The following BRIP1 variants were observed in gnomAD, a reference collection of about 807,000 sequenced individuals.
The protein encoded by BRIP1 is Fanconi anemia group J protein.
In BRIP1, 88 loss-of-function variants were observed where a neutral mutation model predicts 119.7. That is an observed-to-expected ratio of 0.74 (90% CI 0.62 to 0.88). The LOEUF (loss-of-function observed/expected upper bound fraction) is 0.88. BRIP1 is among the 40% of genes least tolerant of loss of function. BRIP1 has a pLI of 0.00. For missense variants in BRIP1, 1,259 were observed against 1,455.4 expected (o/e 0.87, Z 2.20); for synonymous variants, 443 against 496.5 (o/e 0.89, Z 1.43).
chr17:61,728,513 T>C (rs1005381338), intron 16 of BRIP1, among the ~76,000 whole-genome samples: 1 of 152,114 alleles, frequency 6.6e-6, no homozygotes, highest in Non-Finnish European at 1.5e-5. Context: ...AAGAGAAAGT[T>C]CAAACCAACG....
In BRIP1 at chr17:61,708,415, A is replaced by T. The variant is rs2061725823; in HGVS notation, c.2492+7536T>A. On this transcript the variant is annotated intron_variant, in intron 17 of 19. Coordinates refer to ENST00000259008, the MANE Select transcript of BRIP1 (RefSeq NM_032043.3). This position sits in a 1 kb window ranked among gnomAD's most constrained non-coding sequence, Gnocchi z 4.4. ...AGTAGCCATCTTGGTTATCAGATAG[A>T]AAAAACATAGTATACGTAGAGTTTG... Among the ~76,000 whole-genome samples the T allele has an allele frequency of 1.3e-5, 2 of 152,116 alleles. No homozygotes were observed. The highest frequency in any genetic ancestry group is 4.8e-5 in the African/African-American group (2 of 41,368).
Position 61,802,423 on chromosome 17 carries a change from G to A in BRIP1, c.919-949C>T, listed in dbSNP as rs905073479. Among the ~76,000 whole-genome samples, 1 of 152,128 alleles carries A rather than the reference G, an allele frequency of 6.6e-6. No individual in the cohort carries two copies. Among genetic ancestry groups the A allele is most frequent in the Non-Finnish European group, 1.5e-5 (1 of 68,018 alleles). On this transcript the variant is annotated intron_variant, in intron 7 of 19. Transcript: ENST00000259008. This position sits in a 1 kb window ranked among gnomAD's most constrained non-coding sequence, Gnocchi z 6.0. The stretch of plus-strand genomic sequence containing the variant: ...TGCAGTGAGCCATGATCAAGCCACT[G>A]CACTCCGGCCTGGATGACAAAACAA...
At chr17:61,777,015 A>T (rs1350923821) in intron 13 of BRIP1, among the ~76,000 whole-genome samples, 1 of 152,196 alleles carries the variant, frequency 6.6e-6, no homozygotes, top group East Asian at 1.9e-4. Context: ...GTGCTCAAAG[A>T]TCCTTAGTCA....
chr17:61,826,757 A>C (rs2078415333), intron 6 of BRIP1, among the ~76,000 whole-genome samples: 3 of 128,450 alleles, frequency 2.3e-5, no homozygotes, highest in South Asian at 2.4e-4. Flanking sequence ...AAAAAAAAAA[A>C]CAGATGCCGG....
At chr17:61,791,488 CAAAAAA>C (rs529710126) in intron 10 of BRIP1, among the ~76,000 whole-genome samples, 24 of 52,926 alleles carry the variant, frequency 4.5e-4, no homozygotes, top group East Asian at 6.9e-4. Context: ...GACTTCATCT[CAAAAAA>C]AAAAAAAAAA....
intron 10 of BRIP1, among the ~76,000 whole-genome samples, chr17:61,787,961 T>C (rs2077759095): frequency 1.3e-5 from 2 of 152,030 alleles, no homozygotes; most frequent in Admixed American, 6.6e-5. Flanking sequence ...TCTTTTTCAT[T>C]GCCTGTGATA....
chr17:61,850,084 T>G (rs2078794390), intron 4 of BRIP1, among the ~76,000 whole-genome samples: 1 of 151,174 alleles, frequency 6.6e-6, no homozygotes, highest in African/African-American at 2.4e-5. Context: ...TGAATTAATT[T>G]AACAATCTTT....
rs193046914 is a variant in BRIP1, at chr17:61,688,161, G to C, written c.2576-1996C>G. Among the ~76,000 whole-genome samples the C allele has an allele frequency of 3.9e-5, 6 of 152,118 alleles. No individual in the cohort carries two copies. The East Asian group carries it at 1.2e-3, about 29-fold the overall frequency. On this transcript the variant is annotated intron_variant, in intron 18 of 19. Transcript: ENST00000259008. ...GTACTGACTGGACCTAGCATACTCTGTATGCCTGGAATCTACTAAGAACAA... is the reference window on the plus strand; with the variant it reads ...GTACTGACTGGACCTAGCATACTCTCTATGCCTGGAATCTACTAAGAACAA...
Position 61,827,675 on chromosome 17 carries a change from G to T in BRIP1, c.628-18918C>A, listed in dbSNP as rs1000879623. On this transcript the variant is annotated intron_variant, in intron 6 of 19. Coordinates refer to ENST00000259008, the MANE Select transcript of BRIP1 (RefSeq NM_032043.3). The surrounding 1 kb of genome is among the most constrained non-coding windows in gnomAD (Gnocchi z 5.8). ...TCCTGGGAGGCGGACACTGCAGTCA[G>T]CTGAGATAGTGCCACTGCACTCCGG... is the stretch of plus-strand genomic sequence containing the variant. 3.7e-4 allele frequency among the ~76,000 whole-genome samples: 57 copies of T among 152,322 alleles called. No individual in the cohort carries two copies. The highest frequency in any genetic ancestry group is 1.3e-3 in the African/African-American group (55 of 41,564).
Position 61,722,676 on chromosome 17 carries a change from G to A in BRIP1, c.2380-6613C>T, listed in dbSNP as rs983711501. On this transcript the variant is annotated intron_variant, in intron 16 of 19. Transcript: ENST00000259008. This position sits in a 1 kb window ranked among gnomAD's most constrained non-coding sequence, Gnocchi z 4.6. ...GATACATTATAGTGGTCACTGTTCC[G>A]AAGACAACAGTTGCTCTAGGACGTA... is the stretch of plus-strand genomic sequence containing the variant. Among the ~76,000 whole-genome samples the A allele has an allele frequency of 9.2e-5, 14 of 152,152 alleles. No individual in the cohort carries two copies. The highest frequency in any genetic ancestry group is 1.6e-4 in the Non-Finnish European group (11 of 68,012).
chr17:61,860,264 T>C lies in BRIP1; in HGVS notation c.94-357A>G, dbSNP rs903844212. Among the ~76,000 whole-genome samples the C allele has an allele frequency of 2.6e-5, 4 of 152,216 alleles. No individual in the cohort carries two copies. Among genetic ancestry groups the C allele is most frequent in the Admixed American group, 1.3e-4 (2 of 15,280 alleles). On this transcript the variant is annotated intron_variant, in intron 2 of 19. Coordinates refer to ENST00000259008, the MANE Select transcript of BRIP1 (RefSeq NM_032043.3). This position sits in a 1 kb window ranked among gnomAD's most constrained non-coding sequence, Gnocchi z 4.1. ...GAGAGTACAAATTGTTACAACTACTTGGTAGAGAAATAAACAATTTCTTAT... is the reference window on the plus strand; with the variant it reads ...GAGAGTACAAATTGTTACAACTACTCGGTAGAGAAATAAACAATTTCTTAT...
rs926679735 is a variant in BRIP1, at chr17:61,735,118, A to C, written c.2379+7895T>G. ...ATCTATGTAGGTCATTTAGATCATC[A>C]TCTCTTTTCATAGGGAATAGGAGTA... On this transcript the variant is annotated intron_variant, in intron 16 of 19. Transcript: ENST00000259008. This position sits in a 1 kb window ranked among gnomAD's most constrained non-coding sequence, Gnocchi z 4.4. 4.6e-5 allele frequency among the ~76,000 whole-genome samples: 7 copies of C among 152,164 alleles called. No individual in the cohort carries two copies. Among genetic ancestry groups the C allele is most frequent in the Non-Finnish European group, 1.0e-4 (7 of 68,020 alleles).
At position 61,851,820 on chromosome 17, in the gene BRIP1, C is replaced by T. The variant is rs2078826994; in HGVS notation, c.380-2564G>A. Among the ~76,000 whole-genome samples, 1 of 152,090 alleles carries T rather than the reference C, an allele frequency of 6.6e-6. No individual in the cohort carries two copies. The highest frequency in any genetic ancestry group is 2.4e-5 in the African/African-American group (1 of 41,402). ...CATGTCCAGGCAACCAGTAAAATAACCACAAAATAAACCTAGATCAGTGAT... is the reference window on the plus strand; with the variant it reads ...CATGTCCAGGCAACCAGTAAAATAATCACAAAATAAACCTAGATCAGTGAT... On this transcript the variant is annotated intron_variant, in intron 4 of 19. Transcript: ENST00000259008. The surrounding 1 kb of genome is among the most constrained non-coding windows in gnomAD (Gnocchi z 4.6).
rs556979937 is a variant in BRIP1 at position 61,846,925 on chromosome 17, A to G, written c.627+176T>C. On this transcript the variant is annotated intron_variant, in intron 6 of 19. Coordinates refer to ENST00000259008, the MANE Select transcript of BRIP1 (RefSeq NM_032043.3). The surrounding 1 kb of genome is among the most constrained non-coding windows in gnomAD (Gnocchi z 4.3). ...TTATAAATAAGGAAACGAGGCATAG[A>G]GAGAATAGGCTTTGCCATCTCACAC... is the stretch of plus-strand genomic sequence containing the variant. 6.6e-6 allele frequency among the ~76,000 whole-genome samples: 1 copy of G among 152,352 alleles called. No homozygotes were observed. Among genetic ancestry groups the G allele is most frequent in the South Asian group, 2.1e-4 (1 of 4,828 alleles).
chr17:61,802,389 G>A lies in BRIP1; in HGVS notation c.919-915C>T, dbSNP rs1451648509. Among the ~76,000 whole-genome samples the A allele has an allele frequency of 1.3e-5, 2 of 152,148 alleles. No individual in the cohort carries two copies. The highest frequency in any genetic ancestry group is 2.9e-5 in the Non-Finnish European group (2 of 68,022). On this transcript the variant is annotated intron_variant, in intron 7 of 19. Coordinates refer to ENST00000259008, the MANE Select transcript of BRIP1 (RefSeq NM_032043.3). This position sits in a 1 kb window ranked among gnomAD's most constrained non-coding sequence, Gnocchi z 6.0. ...GCAGGAGGATCACTTCAGCCCAGGA[G>A]TTCGAGGATGCAGTGAGCCATGATC...
Position 61,710,335 on chromosome 17 carries a change from T to C in BRIP1, c.2492+5616A>G, listed in dbSNP as rs2061751928. The stretch of plus-strand genomic sequence containing the variant: ...CATTTTTCACTAATTCAACAAGCAT[T>C]TGAGACTTAGTTGGTTGCTGAGAAT... On this transcript the variant is annotated intron_variant, in intron 17 of 19. Transcript: ENST00000259008. This position sits in a 1 kb window ranked among gnomAD's most constrained non-coding sequence, Gnocchi z 5.4. 6.6e-6 allele frequency among the ~76,000 whole-genome samples: 1 copy of C among 152,202 alleles called. No homozygotes were observed. The highest frequency in any genetic ancestry group is 1.5e-5 in the Non-Finnish European group (1 of 68,036).
intron 4 of BRIP1, among the ~76,000 whole-genome samples, chr17:61,854,118 A>G (rs1185723577): frequency 6.6e-6 from 1 of 151,938 alleles, no homozygotes; most frequent in Non-Finnish European, 1.5e-5. Flanking sequence ...AAACTATAAA[A>G]ATTAGCTAGG....
At chr17:61,719,931 T>C (rs2061945548) in intron 16 of BRIP1, among the ~76,000 whole-genome samples, 1 of 152,016 alleles carries the variant, frequency 6.6e-6, no homozygotes. Flanking sequence ...TGGGCTCAAG[T>C]GATTCTCCCA....
intron 14 of BRIP1, among the ~76,000 whole-genome samples, chr17:61,750,779 CA>C (rs1409561259): frequency 6.6e-6 from 1 of 151,026 alleles, no homozygotes; most frequent in Non-Finnish European, 1.5e-5. Flanking sequence ...AACTGCAAGT[CA>C]AAACCACAAT....
Sources: allele counts gnomAD v4.1 joint callset (sites outside exome capture counted in the v4.1 genomes callset), GRCh38; gene constraint gnomAD v4.1.1; non-coding constraint Gnocchi (gnomAD v3.1); transcripts MANE v1.5; gene names NCBI Gene and HGNC (gene_info 2026-07-23, HGNC 2026-07-21).